Variants in RANBP2 observed in about 807,000 individuals in gnomAD.
RANBP2 encodes the protein E3 SUMO-protein ligase RanBP2.
RANBP2 carries 57 observed loss-of-function variants against 303.6 expected under a neutral mutation model. That is an observed-to-expected ratio of 0.19 (90% CI 0.15 to 0.23). RANBP2 has a LOEUF of 0.23. RANBP2 is among the 10% of genes least tolerant of loss of function. The pLI, the probability that RANBP2 is intolerant of heterozygous loss-of-function variation, is 1.00. For synonymous variants in RANBP2, 1,167 were observed against 1,301.5 expected, an observed-to-expected ratio of 0.90 and a Z score of 2.23; for missense variants, 3,138 against 3,780.8, an observed-to-expected ratio of 0.83 and a Z score of 4.46.
intron 1 of RANBP2, among the ~76,000 whole-genome samples, chr2:108,724,878 GCTGAT>G (rs1251917637): frequency 0.013 from 1,965 of 150,478 alleles, 57 homozygotes; most frequent in African/African-American, 0.047. Context: ...GTTGAGAACA[GCTGAT>G]CAGATGGGTT....
chr2:108,866,147 T>C, the RANBP2 span, among the ~76,000 whole-genome samples: 8 of 152,118 alleles, frequency 5.3e-5, no homozygotes, highest in African/African-American at 1.9e-4. Flanking sequence ...AGAAAGGGAA[T>C]TTGGCCATGG....
chr2:108,978,136 A>G, the RANBP2 span, among the ~76,000 whole-genome samples: 1 of 152,214 alleles, frequency 6.6e-6, no homozygotes, highest in African/African-American at 2.4e-5. Context: ...AAGGCTACAC[A>G]GGTCCCGCCC....
chr2:109,523,874 C>T, the RANBP2 span, among the ~76,000 whole-genome samples: 144 of 152,340 alleles, frequency 9.5e-4, no homozygotes, highest in Middle Eastern at 3.4e-3. Flanking sequence ...TTCCTGTTTG[C>T]ATCTCAGGGC....
At chr2:109,623,143 A>G in the RANBP2 span, among the ~76,000 whole-genome samples, 2 of 152,146 alleles carry the variant, frequency 1.3e-5, no homozygotes, top group African/African-American at 4.8e-5. Flanking sequence ...GAAAACAACA[A>G]CAACAACAAC....
chr2:109,593,350 C>T, the RANBP2 span, among the ~76,000 whole-genome samples: 2 of 150,684 alleles, frequency 1.3e-5, no homozygotes. Flanking sequence ...AATATACTTG[C>T]ACACAAAAAA....
chr2:109,419,426 CCAGGCAG>C, the RANBP2 span: 1 of 1,137,662 alleles, frequency 8.8e-7, no homozygotes, highest in Non-Finnish European at 1.3e-6. Flanking sequence ...GGCCAAACAG[CCAGGCAG>C]CTGGCGAAGC....
the RANBP2 span, chr2:109,501,406 C>T: frequency 1.7e-6 from 1 of 576,898 alleles, no homozygotes; most frequent in Admixed American, 2.7e-5. Flanking sequence ...AAAATAGCAG[C>T]AAATAACAAT....
the RANBP2 span, among the ~76,000 whole-genome samples, chr2:109,658,044 T>C: frequency 1.1e-3 from 171 of 152,140 alleles, no homozygotes; most frequent in African/African-American, 4.0e-3. Context: ...TAATAGTTAT[T>C]TGATGTGGAG....
At chr2:109,487,396 G>A in the RANBP2 span, among the ~76,000 whole-genome samples, 13 of 152,288 alleles carry the variant, frequency 8.5e-5, no homozygotes, top group South Asian at 1.7e-3. Flanking sequence ...TGAGCATGAC[G>A]ATTGTTAGTA....
chr2:109,465,787 G>A, the RANBP2 span, among the ~76,000 whole-genome samples: 2 of 152,130 alleles, frequency 1.3e-5, no homozygotes, highest in Non-Finnish European at 2.9e-5. Flanking sequence ...GAGCAAGAGG[G>A]GAGGGAGGAG....
chr2:109,588,100 G>A, the RANBP2 span, among the ~76,000 whole-genome samples: 2 of 150,598 alleles, frequency 1.3e-5, no homozygotes, highest in Non-Finnish European at 1.5e-5. Flanking sequence ...CCTATAAAAT[G>A]CCCCCCGCCA....
the RANBP2 span, among the ~76,000 whole-genome samples, chr2:109,413,709 C>T: frequency 6.6e-6 from 1 of 152,242 alleles, no homozygotes; most frequent in African/African-American, 2.4e-5. Context: ...CTCCACACAG[C>T]ATAGACATGT....
chr2:109,166,333 C>T, the RANBP2 span, among the ~76,000 whole-genome samples: 7 of 151,756 alleles, frequency 4.6e-5, no homozygotes, highest in East Asian at 3.9e-4. Context: ...AAAAATTAGC[C>T]GAGTGTGGTG....
chr2:109,555,451 GT>G, the RANBP2 span, among the ~76,000 whole-genome samples: 1 of 152,112 alleles, frequency 6.6e-6, no homozygotes. Flanking sequence ...AACTTCTTCT[GT>G]AAAGTCTCCC....
chr2:108,939,012 T>C, the RANBP2 span, among the ~76,000 whole-genome samples: 1 of 152,044 alleles, frequency 6.6e-6, no homozygotes, highest in Non-Finnish European at 1.5e-5. Flanking sequence ...ACTCCTGACC[T>C]CATGATCTGC....
At chr2:109,353,841 C>G in the RANBP2 span, among the ~76,000 whole-genome samples, 1 of 152,174 alleles carries the variant, frequency 6.6e-6, no homozygotes, top group Non-Finnish European at 1.5e-5. Context: ...GGTGTGATCT[C>G]TGACATCTCT....
chr2:109,246,201 T>C, the RANBP2 span, among the ~76,000 whole-genome samples: 3 of 152,220 alleles, frequency 2.0e-5, no homozygotes. Context: ...TGTAACAAAA[T>C]ACCGTAAACG....
chr2:109,153,880 A>C, the RANBP2 span, among the ~76,000 whole-genome samples: 1 of 152,248 alleles, frequency 6.6e-6, no homozygotes, highest in African/African-American at 2.4e-5. Context: ...GGACATTAGC[A>C]GTCGGGACTT....
the RANBP2 span, among the ~76,000 whole-genome samples, chr2:108,906,055 G>C: frequency 9.5e-5 from 14 of 147,364 alleles, no homozygotes; most frequent in Non-Finnish European, 1.5e-4. Flanking sequence ...TACAGTGGGT[G>C]CCTGCACCAG....
Sources: gnomAD v4.1 joint callset for allele counts (sites outside exome capture counted in the v4.1 genomes callset) on GRCh38, gnomAD v4.1.1 for gene constraint, MANE v1.5 for transcripts, NCBI Gene and HGNC (gene_info 2026-07-23, HGNC 2026-07-21) for gene names.